LAMA1: variants seen among roughly 807,000 people sequenced by gnomAD.
LAMA1 encodes the protein laminin subunit alpha 1, also known as laminin subunit alpha-1.
LAMA1 carries 219 observed loss-of-function variants against 348.7 expected under a neutral mutation model. The ratio of observed to expected loss-of-function variants is 0.63; its 90% CI spans 0.56 to 0.70. LAMA1 has a LOEUF of 0.70. Among genes scored for constraint, LAMA1 ranks in the 30% least tolerant of loss-of-function variants. The probability of loss-of-function intolerance (pLI) is 0.00; values close to 1 mark genes in which losing one functional copy is unlikely to be tolerated. For synonymous variants in LAMA1, 1,487 were observed against 1,491.0 expected (o/e 1.00, Z 0.06); for missense variants, 3,744 against 3,888.0 (o/e 0.96, Z 0.99).
At chr18:7,004,495 T>C (rs1022590039) in intron 29 of LAMA1, among the ~76,000 whole-genome samples, 3 of 152,074 alleles carry the variant, frequency 2.0e-5, no homozygotes, top group Admixed American at 6.5e-5. Context: ...TGGGATTACA[T>C]GCATGAGCCA....
chr18:7,074,305 C>T (rs1333419633), intron 3 of LAMA1, among the ~76,000 whole-genome samples: 1 of 152,064 alleles, frequency 6.6e-6, no homozygotes, highest in Non-Finnish European at 1.5e-5. Context: ...TTTTCACTTC[C>T]CTATTGAATA....
intron 36 of LAMA1, among the ~76,000 whole-genome samples, chr18:6,988,605 G>C (rs1015739141): frequency 3.3e-5 from 5 of 152,124 alleles, no homozygotes; most frequent in Non-Finnish European, 7.3e-5. Flanking sequence ...TCCAAGACCA[G>C]CCTGGCCAAC....
chr18:7,076,420 C>G lies in LAMA1; in HGVS notation c.345+3555G>C, dbSNP rs78651487. On this transcript the variant is annotated intron_variant, in intron 3 of 62. Coordinates refer to ENST00000389658, the MANE Select transcript of LAMA1 (RefSeq NM_005559.4). ...CTTCTGAAAAACACTTAACTGGAAT[C>G]TAATCAGGTCTCTAGAGCTGAATTT... Among the ~76,000 whole-genome samples the G allele has an allele frequency of 3.0e-3, 461 of 152,252 alleles. 5 individuals are homozygous for G. The highest frequency in any genetic ancestry group is 0.01 in the African/African-American group (429 of 41,544).
At chr18:7,010,480 A>G in intron 25 of LAMA1, 95 bp from the exon 26 acceptor site, 6 of 1,163,268 alleles carry the variant, frequency 5.2e-6, no homozygotes, top group Middle Eastern at 2.1e-4. Flanking sequence ...GAAATCTTGT[A>G]TCTTAAAAAT....
At chr18:7,085,413 C>CTTTTTTTTTTTTTTTTTTT (rs36122063) in intron 1 of LAMA1, among the ~76,000 whole-genome samples, 11 of 85,260 alleles carry the variant, frequency 1.3e-4, no homozygotes, top group East Asian at 4.2e-4. Flanking sequence ...TCTTCTTCTT[C>CTTTTTTTTTTTTTTTTTTT]TTTTTTTTTT....
chr18:7,078,519 T>C (rs946567835), intron 3 of LAMA1, among the ~76,000 whole-genome samples: 1 of 152,156 alleles, frequency 6.6e-6, no homozygotes, highest in African/African-American at 2.4e-5. Flanking sequence ...GTCACATTAA[T>C]TCATGTCTTA....
intron 44 of LAMA1, among the ~76,000 whole-genome samples, chr18:6,977,135 AC>A (rs2057686332): frequency 1.3e-5 from 2 of 152,164 alleles, no homozygotes; most frequent in Admixed American, 6.5e-5. Context: ...TCAAAAGGAA[AC>A]TTTTTCCCTT....
At chr18:7,026,132 G>C in intron 16 of LAMA1, 26 bp from the exon 17 acceptor site, 3 of 1,607,874 alleles carry the variant, frequency 1.9e-6, no homozygotes, top group Non-Finnish European at 2.5e-6. Context: ...AGAAGAATCA[G>C]CTCAGGTTGT....
chr18:6,955,869 G>C, intron 56 of LAMA1: 1 of 353,904 alleles, frequency 2.8e-6, no homozygotes, highest in South Asian at 2.2e-5. Flanking sequence ...AAAACTGGAG[G>C]TGCCCACAGG....
chr18:7,045,706 A>G (rs922780359), intron 6 of LAMA1, among the ~76,000 whole-genome samples: 1 of 152,014 alleles, frequency 6.6e-6, no homozygotes, highest in Non-Finnish European at 1.5e-5. Flanking sequence ...CTATAGGTGC[A>G]TACCACCACG....
Position 7,002,155 on chromosome 18 carries a change from A to G in LAMA1, c.4382+109T>C, listed in dbSNP as rs181317218. The G allele has an allele frequency of 9.5e-4, 1,339 of 1,406,086 alleles. 11 individuals carry two copies. In the African/African-American group the frequency reaches 0.017, roughly 18 times the overall value. 87.1% of individuals were successfully genotyped at this position (1,406,086 alleles called of 1,614,324 possible). On this transcript the variant is annotated intron_variant, in intron 30 of 62. Coordinates refer to ENST00000389658, the MANE Select transcript of LAMA1 (RefSeq NM_005559.4). ...TCTTAAAATTAGCCTTTTGCAACCA[A>G]TGGAGAATATTCATTAACAACAGAC...
At position 7,049,138 on chromosome 18, in the gene LAMA1, T is replaced by G; in HGVS notation, c.708A>C (p.Ala236=). The change falls in exon 5 of 63, where the codon GCA becomes GCC. Residue 236 remains alanine (A), a synonymous_variant. Coordinates refer to ENST00000389658, the MANE Select transcript of LAMA1 (RefSeq NM_005559.4). ...LRLQRIRTLN[A]DLMTLSHREP... is the part of the protein sequence containing the mutation. ...CCCGGTGGCTAAGGGTCATGAGATC[T>G]GCATTGAGCGTTCTAATGCGTTGCA... The G allele has an allele frequency of 6.2e-7, 1 of 1,614,178 alleles. No homozygotes were observed. The highest frequency in any genetic ancestry group is 1.1e-5 in the South Asian group (1 of 91,088).
At chr18:7,013,096 G>A (rs1390774766) in intron 23 of LAMA1, among the ~76,000 whole-genome samples, 1 of 151,976 alleles carries the variant, frequency 6.6e-6, no homozygotes, top group Non-Finnish European at 1.5e-5. Flanking sequence ...GGGAGGCGGA[G>A]GTTGCAGTGA....
Position 7,049,542 on chromosome 18 carries a change from C to T in LAMA1, c.589-285G>A, listed in dbSNP as rs59007095. Among the ~76,000 whole-genome samples, 18 of 152,254 alleles carry T rather than the reference C, an allele frequency of 1.2e-4. No individual in the cohort carries two copies. In the East Asian group the frequency reaches 2.3e-3, roughly 20 times the overall value. On this transcript the variant is annotated intron_variant, in intron 4 of 62. Transcript: ENST00000389658. The stretch of plus-strand genomic sequence containing the variant: ...CTTGAACTCCTGAACTCAGGTGATC[C>T]GCCTGCCTTGCCTCCCAAAATGCTG...
chr18:7,052,805 G>T (rs1377968643), intron 3 of LAMA1, among the ~76,000 whole-genome samples: 1 of 151,890 alleles, frequency 6.6e-6, no homozygotes, highest in Non-Finnish European at 1.5e-5. Context: ...TGAATCATGA[G>T]GTCAGGAGAT....
At chr18:6,994,897 G>A (rs1475700944) in intron 34 of LAMA1, among the ~76,000 whole-genome samples, 2 of 152,084 alleles carry the variant, frequency 1.3e-5, no homozygotes, top group African/African-American at 4.8e-5. Context: ...CCAGCCTGAA[G>A]CCTGAAGTTT....
chr18:7,014,014 CGATGAT>C lies in LAMA1; in HGVS notation c.3158_3163del (p.His1053_His1054del), dbSNP rs761084211. On this transcript the variant is annotated inframe_deletion, in exon 23 of 63. Transcript: ENST00000389658. The stretch of plus-strand genomic sequence containing the variant: ...GCAATGGCCGGTGACCACATCGCAC[CGATGAT>C]GAGTCGACCCCACGAGACTGCAATT... The C allele has an allele frequency of 2.6e-5, 42 of 1,613,828 alleles. 1 individual carries two copies. In the Middle Eastern group the frequency reaches 6.6e-4, roughly 25 times the overall value.
chr18:6,959,504 G>T lies in LAMA1; in HGVS notation c.7627-12C>A. 6.2e-7 allele frequency: 1 copy of T among 1,614,006 alleles called. No individual in the cohort carries two copies. Among genetic ancestry groups the T allele is most frequent in the Non-Finnish European group, 8.5e-7 (1 of 1,179,942 alleles). Reference sequence around the variant, plus strand: ...ACGGAAAAGAAGGGCTGGGGAGGTTGCATAGAGAATTTCCCAGACAAAACA... The same window carrying T: ...ACGGAAAAGAAGGGCTGGGGAGGTTTCATAGAGAATTTCCCAGACAAAACA... On this transcript the variant is annotated splice_polypyrimidine_tract_variant and intron_variant, in intron 53 of 62. Coordinates refer to ENST00000389658, the MANE Select transcript of LAMA1 (RefSeq NM_005559.4).
chr18:6,985,904 G>A lies in LAMA1; in HGVS notation c.5379+233C>T, dbSNP rs150623729. Among the ~76,000 whole-genome samples, 572 of 152,154 alleles carry A rather than the reference G, an allele frequency of 3.8e-3. 5 individuals are homozygous for A. The highest frequency in any genetic ancestry group is 0.013 in the African/African-American group (522 of 41,526). On this transcript the variant is annotated intron_variant, in intron 37 of 62. Coordinates refer to ENST00000389658, the MANE Select transcript of LAMA1 (RefSeq NM_005559.4). ...CTCCCGAGTAGCTGGGACTACAGGC[G>A]CATGCCACCACGCCCAGCTAATTTT... is the stretch of plus-strand genomic sequence containing the variant.
Sources: allele counts gnomAD v4.1 joint callset (sites outside exome capture counted in the v4.1 genomes callset), GRCh38; gene constraint gnomAD v4.1.1; transcripts MANE v1.5; gene names NCBI Gene and HGNC (gene_info 2026-07-23, HGNC 2026-07-21).